NCR3LG1: variants seen among roughly 807,000 people sequenced by gnomAD.
NCR3LG1 encodes the protein natural cytotoxicity triggering receptor 3 ligand 1.
Under a neutral mutation model 34.8 loss-of-function variants are expected in NCR3LG1, and 35 were observed. That is an observed-to-expected ratio of 1.01 (90% CI 0.77 to 1.33). NCR3LG1 has a LOEUF of 1.33. Ranked by LOEUF, NCR3LG1 falls within the 40% of genes most tolerant of loss-of-function variation. The probability of loss-of-function intolerance (pLI) is 0.00; values close to 1 mark genes in which losing one functional copy is unlikely to be tolerated. For missense variants in NCR3LG1, 452 were observed against 423.3 expected (o/e 1.07, Z -0.60); for synonymous variants, 173 against 163.6 (o/e 1.06, Z -0.44).
intron 2 of NCR3LG1, among the ~76,000 whole-genome samples, chr11:17,364,690 G>A (rs1953325526): frequency 1.3e-5 from 2 of 152,088 alleles, no homozygotes; most frequent in Admixed American, 1.3e-4. Flanking sequence ...GGGATTACAG[G>A]CATGCGCCAC....
chr11:17,377,610 T>G (rs1953489736), downstream of NCR3LG1, among the ~76,000 whole-genome samples: 2 of 152,228 alleles, frequency 1.3e-5, no homozygotes, highest in Non-Finnish European at 2.9e-5. Context: ...CCAAAGATGT[T>G]CCTATTACAT....
Position 17,356,678 on chromosome 11 carries a change from G to A in NCR3LG1, c.98G>A (p.Gly33Glu), listed in dbSNP as rs772007713. Residue 33 changes from glycine (G) to glutamate (E), a missense_variant, in exon 2 of 5, where the codon GGG becomes GAG. Gly to Glu is a moderately conservative substitution (Grantham distance 98). Transcript: ENST00000338965. Reference sequence around the variant, plus strand: ...GATCTGAAAGTAGAGATGATGGCAGGGGGGACTCAGATCACACCCCTGAAT... The same window carrying A: ...GATCTGAAAGTAGAGATGATGGCAGAGGGGACTCAGATCACACCCCTGAAT... ...EGDLKVEMMA[G>E]GTQITPLNDN... is the part of the protein sequence containing the mutation. 183 of 1,535,436 alleles carry A rather than the reference G, an allele frequency of 1.2e-4. 2 individuals carry two copies. In the South Asian group the frequency reaches 1.8e-3, roughly 15 times the overall value.
chr11:17,353,637 G>A (rs1422872103), intron 1 of NCR3LG1, among the ~76,000 whole-genome samples: 2 of 152,248 alleles, frequency 1.3e-5, no homozygotes, highest in Non-Finnish European at 2.9e-5. Context: ...GCTGGTGGTG[G>A]TGGAGAAGGG....
intron 3 of NCR3LG1, 30 bp downstream of exon 3, chr11:17,367,377 T>C (rs774071175): frequency 1.3e-5 from 20 of 1,490,112 alleles, no homozygotes; most frequent in South Asian, 1.0e-4. Context: ...TTTCTTCTCT[T>C]CCTTGCCTTG....
intron 2 of NCR3LG1, among the ~76,000 whole-genome samples, chr11:17,357,252 G>C (rs1953221222): frequency 6.6e-6 from 1 of 152,170 alleles, no homozygotes; most frequent in Non-Finnish European, 1.5e-5. Flanking sequence ...GACATCAGCA[G>C]GATTGGTTTC....
chr11:17,359,994 C>G (rs923854429), intron 2 of NCR3LG1, among the ~76,000 whole-genome samples: 1 of 152,064 alleles, frequency 6.6e-6, no homozygotes, highest in African/African-American at 2.4e-5. Context: ...CAGCTCACTT[C>G]CCAGGCTCAG....
intron 2 of NCR3LG1, among the ~76,000 whole-genome samples, chr11:17,358,598 T>C (rs561022273): frequency 6.6e-6 from 1 of 152,356 alleles, no homozygotes; most frequent in African/African-American, 2.4e-5. Context: ...ATTTTCATAC[T>C]GTACTCTTTG....
intron 1 of NCR3LG1, among the ~76,000 whole-genome samples, chr11:17,354,083 A>G (rs934097771): frequency 6.6e-6 from 1 of 152,232 alleles, no homozygotes; most frequent in African/African-American, 2.4e-5. Context: ...GATATAGAAA[A>G]TGTTTTAAAG....
chr11:17,370,569 T>C (rs1417882383), intron 4 of NCR3LG1, among the ~76,000 whole-genome samples: 2 of 152,184 alleles, frequency 1.3e-5, no homozygotes, highest in Non-Finnish European at 2.9e-5. Context: ...GAGGACTTTG[T>C]CAGTCCCCCT....
In NCR3LG1 at chr11:17,356,996, T is replaced by A; in HGVS notation, c.416T>A (p.Val139Asp). 1 of 1,514,056 alleles carries A rather than the reference T, an allele frequency of 6.6e-7. No homozygotes were observed. The highest frequency in any genetic ancestry group is 8.8e-7 in the Non-Finnish European group (1 of 1,134,024). The allele number at this position is 1,514,056 out of a possible 1,614,324, so 93.8% of individuals were successfully genotyped here. Residue 139 changes from valine to aspartate, a missense_variant, in exon 2 of 5, where the codon GTT becomes GAT. Val to Asp is a radical substitution (Grantham distance 152). Transcript: ENST00000338965. The stretch of plus-strand genomic sequence containing the variant: ...GCACAGGGAACAGTCCAGCTTGAAG[T>A]TGTGGGTGAGTGTCTCGGGGCAGTG... ...LKAQGTVQLE[V>D]VASPASRLLL...
intron 3 of NCR3LG1, among the ~76,000 whole-genome samples, chr11:17,368,439 A>G (rs765955052): frequency 2.4e-4 from 36 of 152,068 alleles, no homozygotes; most frequent in Admixed American, 7.9e-4. Flanking sequence ...GAGAGGAATT[A>G]TTCTTGGAAG....
chr11:17,372,344 T>C lies in NCR3LG1; in HGVS notation c.1197T>C (p.Asp399=), dbSNP rs1185646490. 1 of 702,966 alleles carries C rather than the reference T, an allele frequency of 1.4e-6. No individual in the cohort carries two copies. Among genetic ancestry groups the C allele is most frequent in the Non-Finnish European group, 2.6e-6 (1 of 385,024 alleles). The allele number at this position is 702,966 out of a possible 1,614,324, so 43.5% of individuals were successfully genotyped here. ...LLTVTSGKSI[D]DNSTKSEKQT... ...CAGTTACATCAGGCAAGTCCATAGA[T>C]GATAATTCCACAAAGTCTGAGAAAC... Residue 399 remains aspartate (D), a synonymous_variant, in exon 5 of 5, where the codon GAT becomes GAC. Transcript: ENST00000338965.
downstream of NCR3LG1, among the ~76,000 whole-genome samples, chr11:17,379,058 CTG>C (rs966174401): frequency 6.6e-6 from 1 of 152,370 alleles, no homozygotes; most frequent in Admixed American, 6.5e-5. Context: ...ACAAAAGCCT[CTG>C]TATTCAACTG....
At chr11:17,366,478 C>T (rs1380523712) in intron 2 of NCR3LG1, among the ~76,000 whole-genome samples, 1 of 152,092 alleles carries the variant, frequency 6.6e-6, no homozygotes, top group Non-Finnish European at 1.5e-5. Flanking sequence ...CAGGTTTAAT[C>T]TGGATATGTC....
chr11:17,375,664 C>T lies in NCR3LG1; in HGVS notation c.*3152C>T, dbSNP rs1350699102. Reference sequence around the variant, plus strand: ...CAACAGGCTATTATCCTCAGTGTTCCTCCCATGAGAATTAGTGGTCAGACA... The same window carrying T: ...CAACAGGCTATTATCCTCAGTGTTCTTCCCATGAGAATTAGTGGTCAGACA... On this transcript the variant is annotated 3_prime_UTR_variant, in exon 5 of 5. Coordinates refer to ENST00000338965, the MANE Select transcript of NCR3LG1 (RefSeq NM_001202439.3). The T allele has an allele frequency of 6.6e-6, 1 of 152,166 alleles. No individual in the cohort carries two copies. The highest frequency in any genetic ancestry group is 1.5e-5 in the Non-Finnish European group (1 of 68,040). The allele number at this position is 152,166 out of a possible 1,614,324, so 9.4% of individuals were successfully genotyped here. A position where few individuals can be genotyped will look rare whatever the true frequency, so the allele number is the denominator to read the frequency against.
intron 2 of NCR3LG1, among the ~76,000 whole-genome samples, chr11:17,357,382 A>G (rs537264679): frequency 6.6e-6 from 1 of 152,306 alleles, no homozygotes; most frequent in South Asian, 2.1e-4. Flanking sequence ...ATTGGATCAG[A>G]GCCCATCCTA....
At chr11:17,367,376 T>G in intron 3 of NCR3LG1, 29 bp downstream of exon 3, 13 of 1,487,564 alleles carry the variant, frequency 8.7e-6, no homozygotes, top group South Asian at 2.5e-5. Context: ...ATTTCTTCTC[T>G]TCCTTGCCTT....
At chr11:17,368,844 AT>A in intron 3 of NCR3LG1, 22 bp from the exon 4 acceptor site, 1 of 1,473,856 alleles carries the variant, frequency 6.8e-7, no homozygotes, top group South Asian at 1.2e-5. Context: ...TTTCCTGCTA[AT>A]GTTTTCCTTC....
intron 2 of NCR3LG1, among the ~76,000 whole-genome samples, chr11:17,362,652 T>TA (rs1373739768): frequency 6.7e-6 from 1 of 150,168 alleles, no homozygotes; most frequent in African/African-American, 2.4e-5. Flanking sequence ...TTTTTTTTTT[T>TA]ACTAGTTATT....
Sources: gnomAD v4.1 joint callset for allele counts (sites outside exome capture counted in the v4.1 genomes callset) on GRCh38, gnomAD v4.1.1 for gene constraint, MANE v1.5 for transcripts, NCBI Gene and HGNC (gene_info 2026-07-23, HGNC 2026-07-21) for gene names.